The following DNAL4 variants were observed in gnomAD, a reference collection of about 807,000 sequenced individuals.
DNAL4 encodes dynein light chain, outer arm 4.
DNAL4 carries 10 observed loss-of-function variants against 12.6 expected under a neutral mutation model. The observed-to-expected ratio is 0.79, with a 90% confidence interval of 0.49 to 1.34. The LOEUF (loss-of-function observed/expected upper bound fraction) is 1.34, where lower values mean the gene tolerates loss of function less well. Ranked by LOEUF, DNAL4 falls within the 40% of genes most tolerant of loss-of-function variation. The pLI, the probability that DNAL4 is intolerant of heterozygous loss-of-function variation, is 0.00. For missense variants in DNAL4, 128 were observed against 138.1 expected, an observed-to-expected ratio of 0.93 and a Z score of 0.37; for synonymous variants, 46 against 53.1, an observed-to-expected ratio of 0.87 and a Z score of 0.58.
At chr22:38,791,870 G>GTT (rs80109051) in intron 1 of DNAL4, among the ~76,000 whole-genome samples, 1 of 140,060 alleles carries the variant, frequency 7.1e-6, no homozygotes, top group Non-Finnish European at 1.6e-5. Context: ...TTTGTGTGTT[G>GTT]TTTTTTTTTT....
intron 3 of DNAL4, 93 bp downstream of exon 3, chr22:38,780,833 C>G: frequency 7.8e-7 from 1 of 1,275,628 alleles, no homozygotes; most frequent in Non-Finnish European, 1.1e-6. Context: ...CCTAGCAGTA[C>G]TGTCTGGAGC....
At chr22:38,787,489 G>A (rs1461139744) in intron 1 of DNAL4, among the ~76,000 whole-genome samples, 2 of 152,036 alleles carry the variant, frequency 1.3e-5, no homozygotes, top group Non-Finnish European at 2.9e-5. Flanking sequence ...TGATCCACCT[G>A]CCTCAGCCTC....
At chr22:38,785,459 A>T (rs2093040894) in intron 1 of DNAL4, 1 of 152,216 alleles carries the variant, frequency 6.6e-6, no homozygotes, top group African/African-American at 2.4e-5. Context: ...CCAGGAGGGA[A>T]CCAGGAGCCA....
chr22:38,782,862 C>G lies in DNAL4; in HGVS notation c.-131G>C. ...GGTGGGAGCAGAAAATGTCTTTCCC[C>G]GGGGGGTGCTGCAGAAAACAGGAGA... On this transcript the variant is annotated 5_prime_UTR_variant, in exon 2 of 4. Transcript: ENST00000216068. The surrounding 1 kb of genome is among the most constrained non-coding windows in gnomAD (Gnocchi z 5.1). 1 of 788,634 alleles carries G rather than the reference C, an allele frequency of 1.3e-6. No individual in the cohort carries two copies. The highest frequency in any genetic ancestry group is 2.1e-5 in the South Asian group (1 of 46,824). 48.9% of individuals were successfully genotyped at this position (788,634 alleles called of 1,614,324 possible). A position where few individuals can be genotyped will look rare whatever the true frequency, so the allele number is the denominator to read the frequency against.
rs558426562 is a variant in DNAL4, at chr22:38,784,414, AAGCATACATC to A, written c.-139-1554_-139-1545del. Reference sequence around the variant, plus strand: ...TCATGGGCACACAGGAGGCACTCACAAGCATACATCAGCTGCCCACTGGGACAGCTCCTAT... The same window carrying A: ...TCATGGGCACACAGGAGGCACTCACAAGCTGCCCACTGGGACAGCTCCTAT... On this transcript the variant is annotated intron_variant, in intron 1 of 3. Transcript: ENST00000216068. Among the ~76,000 whole-genome samples, 8 of 152,112 alleles carry A rather than the reference AAGCATACATC, an allele frequency of 5.3e-5. No homozygotes were observed. In the South Asian group the frequency reaches 1.7e-3, roughly 32 times the overall value.
At chr22:38,783,263 G>A (rs952140372) in intron 1 of DNAL4, among the ~76,000 whole-genome samples, 3 of 142,346 alleles carry the variant, frequency 2.1e-5, no homozygotes, top group Non-Finnish European at 3.1e-5. Flanking sequence ...CTACACACAC[G>A]GGCCTTCCCT....
At position 38,782,483 on chromosome 22, in the gene DNAL4, G is replaced by GTGAA. The variant is rs889340971; in HGVS notation, c.69+176_69+179dup. Among the ~76,000 whole-genome samples, 16 of 152,312 alleles carry GTGAA rather than the reference G, an allele frequency of 1.1e-4. No individual in the cohort carries two copies. The highest frequency in any genetic ancestry group is 4.1e-4 in the South Asian group (2 of 4,822). Reference sequence around the variant, plus strand: ...CATAGAGTAGGTGGCCCAATACTTGGTGAATGAATGAATGAATGAAACAAT... The same window carrying GTGAA: ...CATAGAGTAGGTGGCCCAATACTTGGTGAATGAATGAATGAATGAATGAAACAAT... On this transcript the variant is annotated intron_variant, in intron 2 of 3. Transcript: ENST00000216068. The surrounding 1 kb of genome is among the most constrained non-coding windows in gnomAD (Gnocchi z 5.1).
In DNAL4 at chr22:38,781,025, G is replaced by A; in HGVS notation, c.70-16C>T. The A allele has an allele frequency of 3.1e-6, 5 of 1,613,768 alleles. 1 individual carries two copies. The Middle Eastern group carries it at 6.6e-4, about 213-fold the overall frequency. On this transcript the variant is annotated splice_polypyrimidine_tract_variant and intron_variant, in intron 2 of 3. Transcript: ENST00000216068. ...TGTCCGAGTGCTAGAGACAGGGCAG[G>A]GGTAACAAACAAGAGACAGGCTTAG...
At chr22:38,783,813 A>C (rs1425849152) in intron 1 of DNAL4, among the ~76,000 whole-genome samples, 1 of 152,220 alleles carries the variant, frequency 6.6e-6, no homozygotes, top group Non-Finnish European at 1.5e-5. Flanking sequence ...AGACAGTGCC[A>C]AGCACACGGC....
intron 1 of DNAL4, among the ~76,000 whole-genome samples, chr22:38,784,210 A>C (rs1460761707): frequency 1.3e-5 from 2 of 152,158 alleles, no homozygotes; most frequent in African/African-American, 4.8e-5. Flanking sequence ...GGTGTTTCAC[A>C]TGCATTTACA....
At position 38,782,645 on chromosome 22, in the gene DNAL4, C is replaced by T; in HGVS notation, c.69+18G>A. ...GTGGGCCCTGCCGGCAGTCCTGCCT[C>T]CCTCCCCTGGGGCTTACCCTGACCA... On this transcript the variant is annotated intron_variant, in intron 2 of 3. Coordinates refer to ENST00000216068, the MANE Select transcript of DNAL4 (RefSeq NM_005740.3). The surrounding 1 kb of genome is among the most constrained non-coding windows in gnomAD (Gnocchi z 5.1). The T allele has an allele frequency of 6.2e-7, 1 of 1,612,270 alleles. No individual in the cohort carries two copies. Among genetic ancestry groups the T allele is most frequent in the Non-Finnish European group, 8.5e-7 (1 of 1,179,518 alleles).
chr22:38,782,884 G>A lies in DNAL4; in HGVS notation c.-139-14C>T, dbSNP rs930648369. On this transcript the variant is annotated splice_polypyrimidine_tract_variant and intron_variant, in intron 1 of 3. Coordinates refer to ENST00000216068, the MANE Select transcript of DNAL4 (RefSeq NM_005740.3). This position sits in a 1 kb window ranked among gnomAD's most constrained non-coding sequence, Gnocchi z 5.1. ...CCCCGGGGGGTGCTGCAGAAAACAG[G>A]AGAAACCAGAAAAAAAGAGCTGGCT... 1.1e-5 allele frequency: 7 copies of A among 621,024 alleles called. No homozygotes were observed. The highest frequency in any genetic ancestry group is 1.6e-5 in the Non-Finnish European group (6 of 374,754). The allele number at this position is 621,024 out of a possible 1,614,324, so 38.5% of individuals were successfully genotyped here.
intron 3 of DNAL4, among the ~76,000 whole-genome samples, chr22:38,780,351 C>T (rs958540472): frequency 5.3e-5 from 8 of 152,212 alleles, no homozygotes; most frequent in African/African-American, 1.9e-4. Flanking sequence ...TGAGAAATGG[C>T]TCATTCAAGG....
intron 1 of DNAL4, chr22:38,786,141 G>T (rs1041655722): frequency 6.6e-6 from 1 of 152,242 alleles, no homozygotes; most frequent in Non-Finnish European, 1.5e-5. Context: ...TCTCCTCAAA[G>T]AATGTTACCA....
At chr22:38,783,173 ACCCACTACATACACGGTCCTTCCCT>A (rs2093036869) in intron 1 of DNAL4, among the ~76,000 whole-genome samples, 1 of 151,928 alleles carries the variant, frequency 6.6e-6, no homozygotes, top group East Asian at 1.9e-4. Flanking sequence ...TTCCCCGCGT[ACCCACTACATACACGGTCCTTCCCT>A]CCCACTACAC....
At position 38,792,033 on chromosome 22, in the gene DNAL4, T is replaced by TA. The variant is rs541463689; in HGVS notation, c.-140+2034dup. 6.4e-4 allele frequency among the ~76,000 whole-genome samples: 98 copies of TA among 152,198 alleles called. No homozygotes were observed. In the South Asian group the frequency reaches 0.02, roughly 31 times the overall value. On this transcript the variant is annotated intron_variant, in intron 1 of 3. Transcript: ENST00000216068. ...ACTGTAACTTTATTTATAAACACCG[T>TA]AAAAAATTTACGTAAATTTAGGCTG...
chr22:38,785,853 C>T (rs758385627), intron 1 of DNAL4: 1 of 152,208 alleles, frequency 6.6e-6, no homozygotes, highest in Non-Finnish European at 1.5e-5. Flanking sequence ...CGATTTGAAA[C>T]GTTAAAGCTC....
At position 38,794,119 on chromosome 22, in the gene DNAL4, G is replaced by C. The variant is rs1043723968; in HGVS notation, c.-191C>G. The C allele has an allele frequency of 6.6e-6, 1 of 152,244 alleles. No individual in the cohort carries two copies. The highest frequency in any genetic ancestry group is 1.5e-5 in the Non-Finnish European group (1 of 68,060). The allele number at this position is 152,244 out of a possible 1,614,324, so 9.4% of individuals were successfully genotyped here. ...GCCGCAGCCAGCGAACCCCCGCCAG[G>C]GTTGTCAAGGAGCGAAACAAGAGTG... On this transcript the variant is annotated 5_prime_UTR_variant, in exon 1 of 4. Coordinates refer to ENST00000216068, the MANE Select transcript of DNAL4 (RefSeq NM_005740.3).
intron 1 of DNAL4, among the ~76,000 whole-genome samples, chr22:38,793,310 A>C (rs1375363720): frequency 6.6e-6 from 1 of 152,208 alleles, no homozygotes; most frequent in Non-Finnish European, 1.5e-5. Flanking sequence ...GAGACAAAGG[A>C]AAGAAACTAA....
Sources: allele counts gnomAD v4.1 joint callset (sites outside exome capture counted in the v4.1 genomes callset), GRCh38; gene constraint gnomAD v4.1.1; non-coding constraint Gnocchi (gnomAD v3.1); transcripts MANE v1.5; gene names NCBI Gene and HGNC (gene_info 2026-07-23, HGNC 2026-07-21).